The following ZSCAN25 variants were observed in gnomAD, a reference collection of about 807,000 sequenced individuals.
ZSCAN25 encodes zinc finger and SCAN domain-containing protein 25.
In ZSCAN25, 27 loss-of-function variants were observed where a neutral mutation model predicts 38.7. The ratio of observed to expected loss-of-function variants is 0.70; its 90% CI spans 0.51 to 0.96. ZSCAN25 has a LOEUF of 0.96. Ranked by LOEUF, ZSCAN25 falls within the 40% of genes least tolerant of loss-of-function variation. The pLI is 0.00. For synonymous variants in ZSCAN25, 273 were observed against 277.7 expected, an observed-to-expected ratio of 0.98 and a Z score of 0.17; for missense variants, 637 against 705.9, an observed-to-expected ratio of 0.90 and a Z score of 1.11.
the ZSCAN25 span, among the ~76,000 whole-genome samples, chr7:99,729,053 T>G: frequency 6.6e-6 from 1 of 152,138 alleles, no homozygotes; most frequent in Non-Finnish European, 1.5e-5. Context: ...TAAAAAAGCT[T>G]AAAGATAAAG....
chr7:99,689,920 G>A, the ZSCAN25 span, among the ~76,000 whole-genome samples: 1 of 152,180 alleles, frequency 6.6e-6, no homozygotes, highest in African/African-American at 2.4e-5. Flanking sequence ...AGCTACCAAT[G>A]ACTTTCTTCA....
chr7:99,628,936 C>T (rs185793221), intron 7 of ZSCAN25, among the ~76,000 whole-genome samples: 1 of 152,244 alleles, frequency 6.6e-6, no homozygotes, highest in East Asian at 1.9e-4. Flanking sequence ...AATTATTGAG[C>T]TACATTTTGT....
In ZSCAN25 at chr7:99,629,738, G is replaced by A; in HGVS notation, c.1353G>A (p.Arg451=). 1.2e-6 allele frequency: 2 copies of A among 1,614,010 alleles called. No individual in the cohort carries two copies. Among genetic ancestry groups the A allele is most frequent in the Non-Finnish European group, 1.7e-6 (2 of 1,179,990 alleles). Residue 451 remains arginine, a synonymous_variant, in exon 8 of 8, where the codon AGG becomes AGA. Transcript: ENST00000394152. The surrounding 1 kb of genome is among the most constrained non-coding windows in gnomAD (Gnocchi z 5.6). ...SRRQHLQVHR[R]THTGEKPYTC... is the part of the protein sequence containing the mutation. ...GGCAGCACCTGCAGGTGCACCGGAG[G>A]ACGCACACCGGGGAGAAGCCCTACA... is the stretch of plus-strand genomic sequence containing the variant.
chr7:99,676,759 T>C, the ZSCAN25 span, among the ~76,000 whole-genome samples: 1 of 152,170 alleles, frequency 6.6e-6, no homozygotes, highest in Non-Finnish European at 1.5e-5. Context: ...GATCTAGCCC[T>C]TCTTAAACGT....
the ZSCAN25 span, chr7:99,677,143 G>T: frequency 1.0e-6 from 1 of 979,280 alleles, no homozygotes; most frequent in Non-Finnish European, 1.2e-6. Context: ...GGCCTGCCTG[G>T]AACTCATCTT....
the ZSCAN25 span, among the ~76,000 whole-genome samples, chr7:99,678,283 G>T: frequency 1.4e-4 from 21 of 152,298 alleles, no homozygotes; most frequent in East Asian, 1.3e-3. Flanking sequence ...TGACCTCCAC[G>T]GTGGGGCCAG....
At chr7:99,717,991 GCT>G in the ZSCAN25 span, among the ~76,000 whole-genome samples, 1 of 152,122 alleles carries the variant, frequency 6.6e-6, no homozygotes, top group African/African-American at 2.4e-5. Flanking sequence ...CCTCAGACGA[GCT>G]CTGTCTTTAT....
chr7:99,667,834 T>C, the ZSCAN25 span, among the ~76,000 whole-genome samples: 6 of 152,220 alleles, frequency 3.9e-5, no homozygotes, highest in South Asian at 1.2e-3. Flanking sequence ...TTCAGTTAAA[T>C]CACATTTAAT....
chr7:99,679,206 G>A, the ZSCAN25 span, among the ~76,000 whole-genome samples: 1 of 151,832 alleles, frequency 6.6e-6, no homozygotes, highest in South Asian at 2.1e-4. Flanking sequence ...CAGGGTGGAG[G>A]AGTGACTCAT....
chr7:99,629,068 A>G lies in ZSCAN25; in HGVS notation c.806-123A>G. ...AAAGAAGTAAGGAAAGCCTGAGTTG[A>G]GGTTGTTGGTCAAAGGAAAAAAGAG... On this transcript the variant is annotated intron_variant, in intron 7 of 7. Transcript: ENST00000394152. The surrounding 1 kb of genome is among the most constrained non-coding windows in gnomAD (Gnocchi z 5.6). 1 of 1,333,298 alleles carries G rather than the reference A, an allele frequency of 7.5e-7. No homozygotes were observed. Among genetic ancestry groups the G allele is most frequent in the Non-Finnish European group, 1.0e-6 (1 of 985,518 alleles). The allele number at this position is 1,333,298 out of a possible 1,614,324, so 82.6% of individuals were successfully genotyped here. A position where few individuals can be genotyped will look rare whatever the true frequency, so the allele number is the denominator to read the frequency against.
At chr7:99,632,975 CT>C (rs774220752), downstream of ZSCAN25, among the ~76,000 whole-genome samples, 24 of 140,574 alleles carry the variant, frequency 1.7e-4, no homozygotes, top group Non-Finnish European at 3.5e-4. Context: ...TTTTTACATT[CT>C]GCATTTTCTG....
chr7:99,663,523 A>C, the ZSCAN25 span: 2 of 991,952 alleles, frequency 2.0e-6, no homozygotes, highest in Non-Finnish European at 2.4e-6. Context: ...TTTACCACAC[A>C]CTACATGTCA....
the ZSCAN25 span, among the ~76,000 whole-genome samples, chr7:99,728,499 G>A: frequency 6.6e-5 from 10 of 152,132 alleles, no homozygotes; most frequent in Non-Finnish European, 1.2e-4. Flanking sequence ...AAGAGTCTGG[G>A]TGCAAGACAC....
In ZSCAN25 at chr7:99,629,474, C is replaced by T. The variant is rs76884157; in HGVS notation, c.1089C>T (p.Leu363=). The change falls in exon 8 of 8, where the codon CTC becomes CTT. Residue 363 remains leucine (L), a synonymous_variant. Transcript: ENST00000394152. This position sits in a 1 kb window ranked among gnomAD's most constrained non-coding sequence, Gnocchi z 5.6. The part of the protein sequence containing the change: ...CGKGFSRSSN[L]VRHQRTHEEK... ...AAGGATTCAGTCGGAGCTCCAATCT[C>T]GTCAGGCACCAGCGAACCCACGAAG... is the stretch of plus-strand genomic sequence containing the variant. 4.5e-4 allele frequency: 732 copies of T among 1,614,240 alleles called. 5 individuals carry two copies. In the African/African-American group the frequency reaches 8.8e-3, roughly 19 times the overall value.
chr7:99,714,711 G>T, the ZSCAN25 span: 1 of 1,604,430 alleles, frequency 6.2e-7, no homozygotes. Flanking sequence ...AACAGAAAAC[G>T]AAACCATTGT....
In ZSCAN25 at chr7:99,631,998, C is replaced by G; in HGVS notation, c.*1978C>G. 1 of 985,438 alleles carries G rather than the reference C, an allele frequency of 1.0e-6. No homozygotes were observed. The highest frequency in any genetic ancestry group is 1.2e-6 in the Non-Finnish European group (1 of 829,960). 61.0% of individuals were successfully genotyped at this position (985,438 alleles called of 1,614,324 possible). A position where few individuals can be genotyped will look rare whatever the true frequency, so the allele number is the denominator to read the frequency against. ...GTGGCCTTCCCCAGAGGGTGGTTTT[C>G]CAAAGGCAGGTGGGGACTGGGGAGG... On this transcript the variant is annotated 3_prime_UTR_variant, in exon 8 of 8. Coordinates refer to ENST00000394152, the MANE Select transcript of ZSCAN25 (RefSeq NM_145115.3).
At chr7:99,635,604 A>G (rs1387372873), downstream of ZSCAN25, among the ~76,000 whole-genome samples, 6 of 152,202 alleles carry the variant, frequency 3.9e-5, no homozygotes, top group African/African-American at 1.4e-4. Context: ...GACATTTCAA[A>G]TAAACTAAAA....
the ZSCAN25 span, among the ~76,000 whole-genome samples, chr7:99,688,383 T>C: frequency 2.6e-5 from 4 of 152,106 alleles, no homozygotes; most frequent in African/African-American, 4.8e-5. Context: ...TAGTCTCTGA[T>C]AAAACAGACT....
At chr7:99,695,890 T>C in the ZSCAN25 span, 2 of 1,524,798 alleles carry the variant, frequency 1.3e-6, no homozygotes, top group East Asian at 4.6e-5. Context: ...TTTATAGATA[T>C]GGGGGCTGGT....
Sources: allele counts gnomAD v4.1 joint callset (sites outside exome capture counted in the v4.1 genomes callset), GRCh38; gene constraint gnomAD v4.1.1; non-coding constraint Gnocchi (gnomAD v3.1); transcripts MANE v1.5; gene names NCBI Gene and HGNC (gene_info 2026-07-23, HGNC 2026-07-21).